CCDC192: variants seen among roughly 807,000 people sequenced by gnomAD.
The protein encoded by CCDC192 is coiled-coil domain containing 192.
At chr5:127,804,784 CAG>C (rs1305140511) in intron 5 of CCDC192, among the ~76,000 whole-genome samples, 2 of 152,128 alleles carry the variant, frequency 1.3e-5, no homozygotes, top group Non-Finnish European at 1.5e-5. Context: ...GAAAAGGATG[CAG>C]AGTTTTACAA....
chr5:127,846,818 G>T (rs1269172228), intron 5 of CCDC192, among the ~76,000 whole-genome samples: 1 of 5,260 alleles, frequency 1.9e-4, no homozygotes, highest in African/African-American at 1.0e-3. Flanking sequence ...AGTCAATAAA[G>T]CAAAAAAAAA....
chr5:127,857,306 C>T (rs528285074), intron 5 of CCDC192, among the ~76,000 whole-genome samples: 1 of 152,192 alleles, frequency 6.6e-6, no homozygotes, highest in Admixed American at 6.5e-5. Context: ...TGAATACCTC[C>T]CTCAACTTTC....
At chr5:127,873,634 A>C (rs548658886) in intron 5 of CCDC192, among the ~76,000 whole-genome samples, 1 of 152,060 alleles carries the variant, frequency 6.6e-6, no homozygotes, top group South Asian at 2.1e-4. Context: ...ATTTTCCCTC[A>C]TTCTCTCCAC....
rs562918536 is a variant in CCDC192 at position 127,811,872 on chromosome 5, A to T, written c.411+13710A>T. Among the ~76,000 whole-genome samples, 4 of 152,226 alleles carry T rather than the reference A, an allele frequency of 2.6e-5. No individual in the cohort carries two copies. The South Asian group carries it at 8.3e-4, about 32-fold the overall frequency. ...CCCAGCCTTTCCTCACACTATACAC[A>T]CCCTCCATACACACTGCTCCCTGCC... On this transcript the variant is annotated intron_variant, in intron 5 of 6. Transcript: ENST00000514853.
chr5:127,738,799 T>A (rs1753195758), intron 2 of CCDC192, among the ~76,000 whole-genome samples: 2 of 152,196 alleles, frequency 1.3e-5, no homozygotes, highest in South Asian at 4.1e-4. Flanking sequence ...TTTAAGCACT[T>A]CTCTGTATTG....
intron 5 of CCDC192, among the ~76,000 whole-genome samples, chr5:127,823,903 T>C (rs1749409536): frequency 6.6e-6 from 1 of 152,226 alleles, no homozygotes. Context: ...AATTTTTTCT[T>C]TGCTGATGGA....
intron 3 of CCDC192, chr5:127,785,415 T>G: frequency 2.7e-6 from 1 of 371,310 alleles, no homozygotes; most frequent in Admixed American, 3.3e-5. Context: ...ACCAGTGTCT[T>G]GAAACATCCA....
At chr5:127,714,984 C>CTATTGAGTTGT in intron 2 of CCDC192, among the ~76,000 whole-genome samples, 1 of 140,042 alleles carries the variant, frequency 7.1e-6, no homozygotes, top group East Asian at 2.2e-4. Flanking sequence ...TTTTTTTTTG[C>CTATTGAGTTGT]TATTGAGTTG....
chr5:127,755,481 C>T (rs891567290), intron 3 of CCDC192, among the ~76,000 whole-genome samples: 3 of 151,754 alleles, frequency 2.0e-5, no homozygotes, highest in Non-Finnish European at 4.4e-5. Context: ...TTGATGCAAG[C>T]GGTCACAGGG....
intron 5 of CCDC192, among the ~76,000 whole-genome samples, chr5:127,834,955 T>G (rs1749967844): frequency 6.6e-6 from 1 of 152,204 alleles, no homozygotes; most frequent in Non-Finnish European, 1.5e-5. Context: ...ATTAGTAAAC[T>G]TGACATGAAA....
At chr5:127,749,519 A>ATT (rs1484917980) in intron 2 of CCDC192, among the ~76,000 whole-genome samples, 1 of 151,848 alleles carries the variant, frequency 6.6e-6, no homozygotes, top group Non-Finnish European at 1.5e-5. Context: ...TTTTGCCAGT[A>ATT]TTTTATTGAG....
chr5:127,815,345 T>C (rs2127008056), intron 5 of CCDC192, among the ~76,000 whole-genome samples: 1 of 152,338 alleles, frequency 6.6e-6, no homozygotes, highest in East Asian at 1.9e-4. Flanking sequence ...TCCTCTCTCT[T>C]GCTGGATTTC....
rs60854127 is a variant in CCDC192, at chr5:127,912,419, C to CAAAAAAAAAAAAAAA, written c.536-28756_536-28742dup. ...AGTGAGAATAGATTCCTGGGTTTAGCAAAAAAAAAAAAAAAAAAAAATGAA... is the reference window on the plus strand; with the variant it reads ...AGTGAGAATAGATTCCTGGGTTTAGCAAAAAAAAAAAAAAAAAAAAAAAAAAAAAAAAAAAATGAA... On this transcript the variant is annotated intron_variant, in intron 6 of 6. Coordinates refer to ENST00000514853, the MANE Select transcript of CCDC192 (RefSeq NM_001317938.2). 1.3e-3 allele frequency among the ~76,000 whole-genome samples: 107 copies of CAAAAAAAAAAAAAAA among 81,434 alleles called. 13 individuals carry two copies. The highest frequency in any genetic ancestry group is 2.8e-3 in the African/African-American group (55 of 19,818). The allele number at this position is 81,434 out of a possible 152,430, so 53.4% of individuals were successfully genotyped here.
intron 3 of CCDC192, among the ~76,000 whole-genome samples, chr5:127,767,582 G>A (rs563076480): frequency 6.6e-6 from 1 of 151,890 alleles, no homozygotes; most frequent in Admixed American, 6.5e-5. Context: ...CTTTATATCC[G>A]AGTCAATGAT....
chr5:127,703,883 G>A (rs1750816068), intron 1 of CCDC192, among the ~76,000 whole-genome samples: 1 of 152,150 alleles, frequency 6.6e-6, no homozygotes, highest in Non-Finnish European at 1.5e-5. Flanking sequence ...GCCAAGAGAT[G>A]CACACACAAA....
intron 2 of CCDC192, among the ~76,000 whole-genome samples, chr5:127,708,748 C>G (rs1297312476): frequency 6.6e-6 from 1 of 152,084 alleles, no homozygotes; most frequent in Non-Finnish European, 1.5e-5. Flanking sequence ...TGGTTAAGTG[C>G]CTGAGAGTGT....
intron 3 of CCDC192, among the ~76,000 whole-genome samples, chr5:127,774,590 C>T (rs1299306587): frequency 7.9e-5 from 12 of 152,184 alleles, no homozygotes; most frequent in Admixed American, 7.2e-4. Context: ...TCGGAACTCT[C>T]AGTTCTATTT....
chr5:127,915,925 A>C (rs1006169117), intron 6 of CCDC192, among the ~76,000 whole-genome samples: 2 of 152,164 alleles, frequency 1.3e-5, no homozygotes, highest in Admixed American at 1.3e-4. Flanking sequence ...TTTTAAACTA[A>C]GACAACAATA....
At chr5:127,811,344 C>G (rs1330019147) in intron 5 of CCDC192, among the ~76,000 whole-genome samples, 1 of 152,160 alleles carries the variant, frequency 6.6e-6, no homozygotes, top group Non-Finnish European at 1.5e-5. Flanking sequence ...AAGTTAATTT[C>G]CTCTCCTTGC....
Sources: gnomAD v4.1 joint callset for allele counts (sites outside exome capture counted in the v4.1 genomes callset) on GRCh38, gnomAD v4.1.1 for gene constraint, MANE v1.5 for transcripts, NCBI Gene and HGNC (gene_info 2026-07-23, HGNC 2026-07-21) for gene names.